Variants in ROBO1 observed in about 807,000 individuals in gnomAD.
ROBO1 encodes roundabout homolog 1.
Under a neutral mutation model 195.9 loss-of-function variants are expected in ROBO1, and 149 were observed. The ratio of observed to expected loss-of-function variants is 0.76; its 90% confidence interval spans 0.67 to 0.87. The LOEUF (loss-of-function observed/expected upper bound fraction) is 0.87. ROBO1 is among the 40% of genes least tolerant of loss of function. ROBO1 has a pLI of 0.00. For missense variants in ROBO1, 1,933 were observed against 2,068.3 expected (o/e 0.93, Z 1.27); for synonymous variants, 816 against 733.2 (o/e 1.11, Z -1.82).
At chr3:79,210,279 C>T (rs1214266498) in intron 2 of ROBO1, among the ~76,000 whole-genome samples, 1 of 152,126 alleles carries the variant, frequency 6.6e-6, no homozygotes, top group Non-Finnish European at 1.5e-5. Flanking sequence ...TACTACAAGG[C>T]TATAGTTACC....
At chr3:79,295,148 T>C (rs1025921652) in intron 2 of ROBO1, among the ~76,000 whole-genome samples, 1 of 152,152 alleles carries the variant, frequency 6.6e-6, no homozygotes, top group Non-Finnish European at 1.5e-5. Context: ...CACATGCATA[T>C]GTATGCTTAT....
chr3:78,667,317 A>T (rs1707792140), intron 14 of ROBO1, among the ~76,000 whole-genome samples: 1 of 152,158 alleles, frequency 6.6e-6, no homozygotes, highest in Non-Finnish European at 1.5e-5. Flanking sequence ...TTATGGGTAC[A>T]TGAGGTATTT....
At chr3:79,119,136 A>C (rs2108555719) in intron 3 of ROBO1, among the ~76,000 whole-genome samples, 1 of 152,282 alleles carries the variant, frequency 6.6e-6, no homozygotes, top group African/African-American at 2.4e-5. Flanking sequence ...GAGAAACTTT[A>C]GTGTTAGAAA....
At chr3:79,412,830 T>C (rs2037829064) in intron 2 of ROBO1, among the ~76,000 whole-genome samples, 1 of 147,608 alleles carries the variant, frequency 6.8e-6, no homozygotes, top group South Asian at 2.2e-4. Flanking sequence ...GTATATTCCA[T>C]CTCTCCTGTT....
At chr3:79,729,165 G>T (rs1703045384) in intron 1 of ROBO1, among the ~76,000 whole-genome samples, 1 of 152,044 alleles carries the variant, frequency 6.6e-6, no homozygotes, top group Non-Finnish European at 1.5e-5. Context: ...TCAATGTAAG[G>T]TTCTTTTTTC....
intron 1 of ROBO1, among the ~76,000 whole-genome samples, chr3:79,601,702 G>A (rs1298696031): frequency 6.6e-6 from 1 of 151,896 alleles, no homozygotes; most frequent in Non-Finnish European, 1.5e-5. Context: ...AGAAATCATG[G>A]TAGATTAAAA....
chr3:78,936,068 A>C (rs2039788824), intron 4 of ROBO1, among the ~76,000 whole-genome samples: 1 of 152,072 alleles, frequency 6.6e-6, no homozygotes, highest in African/African-American at 2.4e-5. Flanking sequence ...AATGAAAATA[A>C]AAATAAATAA....
chr3:79,676,287 A>G (rs1185804397), intron 1 of ROBO1, among the ~76,000 whole-genome samples: 1 of 152,118 alleles, frequency 6.6e-6, no homozygotes, highest in Non-Finnish European at 1.5e-5. Context: ...TAATGAAACT[A>G]ATACATATTG....
At chr3:78,746,932 A>G (rs1001170132) in intron 4 of ROBO1, 32 bp from the exon 5 acceptor site, 6 of 1,436,236 alleles carry the variant, frequency 4.2e-6, no homozygotes, top group Non-Finnish European at 5.6e-6. Flanking sequence ...ATTATACCCA[A>G]AAGTGATAGA....
intron 2 of ROBO1, among the ~76,000 whole-genome samples, chr3:79,564,732 T>C (rs1340477838): frequency 6.6e-6 from 1 of 152,098 alleles, no homozygotes; most frequent in Non-Finnish European, 1.5e-5. Flanking sequence ...CAACTAAAAA[T>C]ATATTGTCAA....
intron 2 of ROBO1, among the ~76,000 whole-genome samples, chr3:79,343,588 G>A (rs1260507494): frequency 6.6e-6 from 1 of 152,138 alleles, no homozygotes; most frequent in African/African-American, 2.4e-5. Flanking sequence ...GAAAGTTAGT[G>A]AGAAGTCTGC....
At chr3:78,690,154 A>C (rs2081140134) in intron 8 of ROBO1, among the ~76,000 whole-genome samples, 1 of 151,218 alleles carries the variant, frequency 6.6e-6, no homozygotes, top group Admixed American at 6.6e-5. Context: ...ACATGTATAT[A>C]TTTCAAATAT....
intron 25 of ROBO1, among the ~76,000 whole-genome samples, chr3:78,628,306 C>G (rs902995021): frequency 6.6e-6 from 1 of 152,328 alleles, no homozygotes; most frequent in Non-Finnish European, 1.5e-5. Flanking sequence ...TGGAGGTCAA[C>G]CTGTTCAGTC....
At chr3:79,161,399 A>G (rs1346262510) in intron 2 of ROBO1, among the ~76,000 whole-genome samples, 1 of 152,140 alleles carries the variant, frequency 6.6e-6, no homozygotes, top group East Asian at 1.9e-4. Context: ...TTTATTAAAC[A>G]TATCAATTTT....
chr3:79,172,087 C>T (rs1250737280), intron 2 of ROBO1, among the ~76,000 whole-genome samples: 1 of 152,004 alleles, frequency 6.6e-6, no homozygotes, highest in East Asian at 1.9e-4. Flanking sequence ...ACAAGAACAA[C>T]AGCAAAAATG....
chr3:79,129,436 A>G (rs1352816536), intron 2 of ROBO1, among the ~76,000 whole-genome samples: 1 of 152,076 alleles, frequency 6.6e-6, no homozygotes, highest in Non-Finnish European at 1.5e-5. Context: ...ATACATACAT[A>G]TATACATACA....
At chr3:78,685,519 T>G (rs1230344297) in intron 10 of ROBO1, among the ~76,000 whole-genome samples, 2 of 152,184 alleles carry the variant, frequency 1.3e-5, no homozygotes, top group African/African-American at 2.4e-5. Context: ...AAACTTCTCC[T>G]TAGATAATTG....
chr3:78,951,494 T>C (rs937064879), intron 3 of ROBO1, among the ~76,000 whole-genome samples: 2 of 151,982 alleles, frequency 1.3e-5, no homozygotes, highest in Non-Finnish European at 2.9e-5. Context: ...GTAAACCTAA[T>C]AGTTACAAAG....
intron 4 of ROBO1, among the ~76,000 whole-genome samples, chr3:78,783,043 T>G (rs566578368): frequency 6.6e-6 from 1 of 152,174 alleles, no homozygotes; most frequent in Non-Finnish European, 1.5e-5. Flanking sequence ...AAAGGAATAA[T>G]AGATTTTTGT....
Sources: allele counts gnomAD v4.1 joint callset (sites outside exome capture counted in the v4.1 genomes callset), GRCh38; gene constraint gnomAD v4.1.1; transcripts MANE v1.5; gene names NCBI Gene and HGNC (gene_info 2026-07-23, HGNC 2026-07-21).